The following DAG1 variants were observed in gnomAD, a reference collection of about 807,000 sequenced individuals.
DAG1 encodes dystroglycan 1.
Under a neutral mutation model 46.1 loss-of-function variants are expected in DAG1, and 8 were observed. The observed-to-expected ratio is 0.17, with a 90% confidence interval of 0.10 to 0.31. The LOEUF (loss-of-function observed/expected upper bound fraction) is 0.31. DAG1 is among the 10% of genes least tolerant of loss of function. The pLI is 1.00. For synonymous variants in DAG1, 495 were observed against 481.8 expected (o/e 1.03, Z -0.36); for missense variants, 1,003 against 1,189.9 (o/e 0.84, Z 2.31).
At chr3:49,505,273 C>T (rs892475671) in intron 1 of DAG1, among the ~76,000 whole-genome samples, 1 of 152,000 alleles carries the variant, frequency 6.6e-6, no homozygotes, top group African/African-American at 2.4e-5. Flanking sequence ...TGAGCCACTG[C>T]ACCCCGCCCT....
intron 1 of DAG1, among the ~76,000 whole-genome samples, chr3:49,498,051 T>G (rs953512215): frequency 5.3e-5 from 8 of 152,182 alleles, no homozygotes; most frequent in African/African-American, 1.9e-4. Context: ...GCTTTTATGT[T>G]TGATAGAATG....
chr3:49,506,429 G>A (rs1186942318), intron 1 of DAG1, among the ~76,000 whole-genome samples: 1 of 152,128 alleles, frequency 6.6e-6, no homozygotes, highest in Non-Finnish European at 1.5e-5. Flanking sequence ...TAGCTGTAGG[G>A]GTGTTTGGTA....
intron 1 of DAG1, chr3:49,488,481 C>T (rs959340280): frequency 6.6e-6 from 1 of 152,024 alleles, no homozygotes; most frequent in Non-Finnish European, 1.5e-5. Flanking sequence ...CCCTGGAGAG[C>T]AAGATATGCA....
intron 1 of DAG1, among the ~76,000 whole-genome samples, chr3:49,504,567 CTTTTTTTTTTTTTTTTTTTTTTTT>C (rs55662849): frequency 8.0e-5 from 4 of 49,700 alleles, no homozygotes; most frequent in South Asian, 1.1e-3. Flanking sequence ...CCAATACAGT[CTTTTTTTTTTTTTTTTTTTTTTTT>C]TTTTTTTTTT....
intron 1 of DAG1, among the ~76,000 whole-genome samples, chr3:49,481,116 G>A (rs1238788466): frequency 6.7e-6 from 1 of 148,814 alleles, no homozygotes; most frequent in Non-Finnish European, 1.5e-5. Flanking sequence ...GTGGCCGGGC[G>A]CAGTGGCTTA....
At chr3:49,479,296 C>T (rs536631746) in intron 1 of DAG1, among the ~76,000 whole-genome samples, 5 of 150,876 alleles carry the variant, frequency 3.3e-5, no homozygotes, top group South Asian at 4.2e-4. Context: ...AGTGTTCTTA[C>T]CAAGTTTGAG....
At chr3:49,491,127 G>A (rs376807456) in intron 1 of DAG1, among the ~76,000 whole-genome samples, 7 of 151,728 alleles carry the variant, frequency 4.6e-5, no homozygotes, top group South Asian at 4.1e-4. Context: ...CAGGTGGTCC[G>A]CCTGCCTCAG....
At chr3:49,497,936 G>A (rs2050357857) in intron 1 of DAG1, among the ~76,000 whole-genome samples, 1 of 152,046 alleles carries the variant, frequency 6.6e-6, no homozygotes, top group African/African-American at 2.4e-5. Flanking sequence ...TTCTGTCTTT[G>A]TTGGAAAAAA....
Position 49,531,722 on chromosome 3 carries a change from C to T in DAG1, c.1211C>T (p.Thr404Met), listed in dbSNP as rs1426178411. 12 of 1,614,018 alleles carry T rather than the reference C, an allele frequency of 7.4e-6. No individual in the cohort carries two copies. Among genetic ancestry groups the T allele is most frequent in the African/African-American group, 1.3e-5 (1 of 74,900 alleles). Residue 404 changes from threonine to methionine, a missense_variant, in exon 3 of 3, where the codon ACG (threonine) becomes ATG (methionine). Around this residue, in one of 3 missense-constraint regions of DAG1, gnomAD observed 755 missense variants for 854.1 expected, o/e 0.88. Coordinates refer to ENST00000308775, the MANE Select transcript of DAG1 (RefSeq NM_004393.6). This position sits in a 1 kb window ranked among gnomAD's most constrained non-coding sequence, Gnocchi z 7.0. ...GTTVPGQIRP[T>M]MTIPGYVEPT... is the part of the protein sequence containing the mutation. The stretch of plus-strand genomic sequence containing the variant: ...ACAGTTCCTGGCCAGATTCGCCCAA[C>T]GATGACCATTCCTGGCTATGTGGAG...
intron 1 of DAG1, among the ~76,000 whole-genome samples, chr3:49,505,313 G>A (rs143647613): frequency 1.1e-4 from 16 of 152,058 alleles, no homozygotes; most frequent in Admixed American, 1.0e-3. Context: ...TGTTGCCAAG[G>A]CTGGTGTCAA....
rs1009685044 is a variant in DAG1, at chr3:49,534,395, C to G, written c.*1196C>G. The G allele has an allele frequency of 1.3e-5, 2 of 152,610 alleles. No homozygotes were observed. The highest frequency in any genetic ancestry group is 4.8e-5 in the African/African-American group (2 of 41,440). The allele number at this position is 152,610 out of a possible 1,614,324, so 9.5% of individuals were successfully genotyped here. A position where few individuals can be genotyped will look rare whatever the true frequency, so the allele number is the denominator to read the frequency against. On this transcript the variant is annotated 3_prime_UTR_variant, in exon 3 of 3. Transcript: ENST00000308775. ...AGTCCCAGGCCTTGGGCCTGAACTA[C>G]TGGAAAAGGTCTGGCGGCTGGGGAG...
At chr3:49,526,226 C>G (rs766402106) in intron 2 of DAG1, among the ~76,000 whole-genome samples, 1 of 152,182 alleles carries the variant, frequency 6.6e-6, no homozygotes, top group Non-Finnish European at 1.5e-5. Flanking sequence ...ACTAAACGAT[C>G]CATGAGAAAT....
At chr3:49,499,767 A>G (rs1021466173) in intron 1 of DAG1, among the ~76,000 whole-genome samples, 1 of 152,146 alleles carries the variant, frequency 6.6e-6, no homozygotes, top group Non-Finnish European at 1.5e-5. Context: ...GGGAGGGGCC[A>G]GTGGGATCCT....
At chr3:49,527,701 TA>T (rs1251447234) in intron 2 of DAG1, among the ~76,000 whole-genome samples, 55 of 145,592 alleles carry the variant, frequency 3.8e-4, no homozygotes, top group African/African-American at 4.8e-4. Context: ...AGACGCTGTC[TA>T]AAAAAAAAAA....
Position 49,531,260 on chromosome 3 carries a change from A to G in DAG1, c.749A>G (p.Lys250Arg), listed in dbSNP as rs2051335583. ...ATGGCTGGCCCGGGAAATGCAAAAA[A>G]GGTGGTGGAGAATGGGGCCCTTCTC... is the stretch of plus-strand genomic sequence containing the variant. ...AFMAGPGNAK[K>R]VVENGALLSW... Residue 250 changes from lysine to arginine, a missense_variant, in exon 3 of 3, where the codon AAG (lysine) becomes AGG (arginine). Lys to Arg is a conservative substitution (Grantham distance 26). Coordinates refer to ENST00000308775, the MANE Select transcript of DAG1 (RefSeq NM_004393.6). This position sits in a 1 kb window ranked among gnomAD's most constrained non-coding sequence, Gnocchi z 7.0. The G allele has an allele frequency of 1.9e-6, 3 of 1,614,064 alleles. No individual in the cohort carries two copies. Among genetic ancestry groups the G allele is most frequent in the African/African-American group, 1.3e-5 (1 of 74,924 alleles).
At chr3:49,514,672 CTT>C (rs2050850011) in intron 2 of DAG1, among the ~76,000 whole-genome samples, 1 of 151,280 alleles carries the variant, frequency 6.6e-6, no homozygotes, top group Non-Finnish European at 1.5e-5. Context: ...GAGTTTCGCT[CTT>C]GTCGCCCAGG....
intron 1 of DAG1, among the ~76,000 whole-genome samples, chr3:49,482,276 T>C (rs761068806): frequency 2.6e-5 from 4 of 152,164 alleles, no homozygotes; most frequent in Non-Finnish European, 4.4e-5. Context: ...GTCTGAAATA[T>C]AGCCTCGTGG....
At chr3:49,495,661 C>G (rs7374731) in intron 1 of DAG1, among the ~76,000 whole-genome samples, 111,676 of 151,926 alleles carry the variant, frequency 0.74, 41,563 homozygotes, top group East Asian at 0.99. Context: ...GTGGCTCATG[C>G]CTGTAATCCC....
At chr3:49,504,108 ATGT>A (rs2050530940) in intron 1 of DAG1, among the ~76,000 whole-genome samples, 1 of 152,154 alleles carries the variant, frequency 6.6e-6, no homozygotes, top group African/African-American at 2.4e-5. Context: ...AGGATATTTT[ATGT>A]TGTCCTTTTA....
Sources: allele counts gnomAD v4.1 joint callset (sites outside exome capture counted in the v4.1 genomes callset), GRCh38; gene constraint gnomAD v4.1.1; regional missense constraint gnomAD v4.1.1; non-coding constraint Gnocchi (gnomAD v3.1); transcripts MANE v1.5; gene names NCBI Gene and HGNC (gene_info 2026-07-23, HGNC 2026-07-21).